The following GPC6 variants were observed in gnomAD, a reference collection of about 807,000 sequenced individuals.
GPC6 encodes the protein glypican-6.
GPC6 carries 14 observed loss-of-function variants against 55.2 expected under a neutral mutation model. That is an observed-to-expected ratio of 0.25 (90% CI 0.17 to 0.40). GPC6 has a LOEUF of 0.40. Among genes scored for constraint, GPC6 ranks in the 10% least tolerant of loss-of-function variants. GPC6 has a pLI of 1.00. For missense variants in GPC6, 641 were observed against 708.5 expected, an observed-to-expected ratio of 0.90 and a Z score of 1.08; for synonymous variants, 278 against 259.6, an observed-to-expected ratio of 1.07 and a Z score of -0.68.
intron 4 of GPC6, among the ~76,000 whole-genome samples, chr13:94,117,660 A>G (rs1197426689): frequency 6.6e-6 from 1 of 152,094 alleles, no homozygotes; most frequent in Non-Finnish European, 1.5e-5. Context: ...TGCAGACAAG[A>G]AGAGAACAAA....
chr13:93,358,852 C>T lies in GPC6; in HGVS notation c.160+131236C>T, dbSNP rs117318799. 7.2e-3 allele frequency among the ~76,000 whole-genome samples: 1,103 copies of T among 152,182 alleles called. 6 individuals are homozygous for T. The highest frequency in any genetic ancestry group is 0.012 in the Non-Finnish European group (845 of 68,026). On this transcript the variant is annotated intron_variant, in intron 1 of 8. Coordinates refer to ENST00000377047, the MANE Select transcript of GPC6 (RefSeq NM_005708.5). ...TTGATTTTTGCAGGCATGTCTACCA[C>T]TCCCTGTGATGTTCAGTGTGTTACT... is the stretch of plus-strand genomic sequence containing the variant.
chr13:93,749,609 T>G (rs1328087119), intron 2 of GPC6, among the ~76,000 whole-genome samples: 1 of 152,026 alleles, frequency 6.6e-6, no homozygotes, highest in African/African-American at 2.4e-5. Flanking sequence ...ACTTAAAAAT[T>G]GCAATAAATA....
At chr13:93,846,669 C>T (rs904624476) in intron 3 of GPC6, among the ~76,000 whole-genome samples, 6 of 152,214 alleles carry the variant, frequency 3.9e-5, no homozygotes, top group Non-Finnish European at 7.4e-5. Flanking sequence ...AAAAAATTAG[C>T]CAGGCATGAT....
intron 2 of GPC6, among the ~76,000 whole-genome samples, chr13:93,734,909 A>G (rs1883944421): frequency 2.0e-5 from 3 of 152,166 alleles, no homozygotes; most frequent in African/African-American, 7.2e-5. Context: ...TAGATAATAA[A>G]TAAAGTACTA....
intron 4 of GPC6, among the ~76,000 whole-genome samples, chr13:94,154,699 A>T (rs685049): frequency 0.58 from 88,206 of 152,018 alleles, 27,022 homozygotes; most frequent in Non-Finnish European, 0.67. Flanking sequence ...CCCAAAAAAA[A>T]GGGCACCAGA....
chr13:93,665,863 C>T (rs1464627810), intron 2 of GPC6, among the ~76,000 whole-genome samples: 1 of 152,132 alleles, frequency 6.6e-6, no homozygotes, highest in African/African-American at 2.4e-5. Context: ...ATGATAAGTA[C>T]CATAAATGAT....
At position 93,752,036 on chromosome 13, in the gene GPC6, G is replaced by T. The variant is rs531722971; in HGVS notation, c.320-78118G>T. ...ACTATTAATCAGCTCTATTGTTTCT[G>T]ATGAGCATACTGAGTATAATAGTCC... On this transcript the variant is annotated intron_variant, in intron 2 of 8. Coordinates refer to ENST00000377047, the MANE Select transcript of GPC6 (RefSeq NM_005708.5). Among the ~76,000 whole-genome samples, 5 of 152,044 alleles carry T rather than the reference G, an allele frequency of 3.3e-5. No individual in the cohort carries two copies. In the East Asian group the frequency reaches 9.7e-4, roughly 29 times the overall value.
At chr13:94,176,579 A>T (rs1397697635) in intron 4 of GPC6, among the ~76,000 whole-genome samples, 1 of 152,178 alleles carries the variant, frequency 6.6e-6, no homozygotes, top group Non-Finnish European at 1.5e-5. Flanking sequence ...AATACACATG[A>T]ACCTCGTTTT....
At chr13:93,556,404 A>C (rs1236389861) in intron 2 of GPC6, among the ~76,000 whole-genome samples, 1 of 107,418 alleles carries the variant, frequency 9.3e-6, no homozygotes, top group Non-Finnish European at 2.1e-5. Flanking sequence ...GTATGTATGT[A>C]TATGTATATA....
intron 1 of GPC6, among the ~76,000 whole-genome samples, chr13:93,440,418 G>A (rs1274780749): frequency 6.6e-6 from 1 of 152,090 alleles, no homozygotes; most frequent in African/African-American, 2.4e-5. Context: ...TTATTGTTAT[G>A]GCTAATCAAA....
intron 4 of GPC6, among the ~76,000 whole-genome samples, chr13:94,161,339 AT>A (rs996362158): frequency 1.3e-5 from 2 of 152,044 alleles, no homozygotes; most frequent in Non-Finnish European, 2.9e-5. Context: ...CTTTCAGTTT[AT>A]TTCTGATCTT....
chr13:93,578,647 T>TG (rs1876790112), intron 2 of GPC6, among the ~76,000 whole-genome samples: 2 of 151,730 alleles, frequency 1.3e-5, no homozygotes, highest in African/African-American at 4.8e-5. Flanking sequence ...TGTTTTGTTT[T>TG]TTTTTTCCTG....
chr13:93,517,251 A>G (rs1881239891), intron 1 of GPC6, among the ~76,000 whole-genome samples: 1 of 152,132 alleles, frequency 6.6e-6, no homozygotes, highest in Non-Finnish European at 1.5e-5. Flanking sequence ...ACTTAGGAAG[A>G]ACAAATGTAA....
chr13:94,191,912 A>C (rs1889407930), intron 4 of GPC6, among the ~76,000 whole-genome samples: 1 of 152,172 alleles, frequency 6.6e-6, no homozygotes, highest in Admixed American at 6.5e-5. Context: ...GTGTATAGAG[A>C]AGAAGCTTGT....
Position 93,653,389 on chromosome 13 carries a change from A to G in GPC6, c.319+107968A>G, listed in dbSNP as rs950076726. ...TATGTCATGACTAAGAGCAAGTGAC[A>G]CCAGAAAGATAATTGAACTCTAAAA... On this transcript the variant is annotated intron_variant, in intron 2 of 8. Transcript: ENST00000377047. Among the ~76,000 whole-genome samples the G allele has an allele frequency of 3.9e-5, 6 of 152,174 alleles. No homozygotes were observed. The East Asian group carries it at 1.2e-3, about 29-fold the overall frequency.
intron 1 of GPC6, among the ~76,000 whole-genome samples, chr13:93,520,954 T>C (rs1881396701): frequency 6.6e-6 from 1 of 151,956 alleles, no homozygotes; most frequent in Non-Finnish European, 1.5e-5. Context: ...CTATAGAGTG[T>C]GGAGGTCACG....
chr13:94,268,172 C>T (rs1594113811), intron 4 of GPC6, among the ~76,000 whole-genome samples: 1 of 152,142 alleles, frequency 6.6e-6, no homozygotes, highest in East Asian at 1.9e-4. Flanking sequence ...TTAGGGTAGG[C>T]AAATGTGTCC....
intron 1 of GPC6, among the ~76,000 whole-genome samples, chr13:93,421,591 G>A (rs372102826): frequency 6.6e-6 from 1 of 151,972 alleles, no homozygotes; most frequent in African/African-American, 2.4e-5. Context: ...TGCTTTAAGT[G>A]GTGTATAATG....
At chr13:93,654,975 TACAGGCGCCC>T (rs1880590979) in intron 2 of GPC6, among the ~76,000 whole-genome samples, 1 of 149,728 alleles carries the variant, frequency 6.7e-6, no homozygotes, top group African/African-American at 2.4e-5. Flanking sequence ...TAGCTGGGAC[TACAGGCGCCC>T]ACTACCATGC....
Sources: allele counts gnomAD v4.1 joint callset (sites outside exome capture counted in the v4.1 genomes callset), GRCh38; gene constraint gnomAD v4.1.1; transcripts MANE v1.5; gene names NCBI Gene and HGNC (gene_info 2026-07-23, HGNC 2026-07-21).